The following MTA1 variants were observed in gnomAD, a reference collection of about 807,000 sequenced individuals.
The protein encoded by MTA1 is metastasis associated 1.
Under a neutral mutation model 97.0 loss-of-function variants are expected in MTA1, and 15 were observed. That is an observed-to-expected ratio of 0.15 (90% CI 0.10 to 0.24). The LOEUF is 0.24. MTA1 is among the 10% of genes least tolerant of loss of function. The probability of loss-of-function intolerance (pLI) is 1.00; values close to 1 mark genes in which losing one functional copy is unlikely to be tolerated. For missense variants in MTA1, 709 were observed against 1,015.1 expected (o/e 0.70, Z 4.10); for synonymous variants, 435 against 417.5 (o/e 1.04, Z -0.51).
chr14:105,467,447 C>A, intron 18 of MTA1: 2 of 455,932 alleles, frequency 4.4e-6, no homozygotes, highest in Non-Finnish European at 8.8e-6. Flanking sequence ...GGCTGCCCAG[C>A]CCAGCCAACC....
At position 105,469,461 on chromosome 14, in the gene MTA1, C is replaced by T. The variant is rs1555433768; in HGVS notation, c.1814-6C>T. 6.2e-7 allele frequency: 1 copy of T among 1,612,934 alleles called. No homozygotes were observed. The highest frequency in any genetic ancestry group is 1.1e-5 in the South Asian group (1 of 91,082). On this transcript the variant is annotated splice_polypyrimidine_tract_variant and splice_region_variant and intron_variant, in intron 18 of 20. Coordinates refer to ENST00000331320, the MANE Select transcript of MTA1 (RefSeq NM_004689.4). ...GGCCTCATTTCTCTCCTCCATTTCT[C>T]ATCAGGTCTGGCAAACCACGGACAG...
chr14:105,466,217 C>T (rs587775228), intron 16 of MTA1: 48 of 596,466 alleles, frequency 8.0e-5, no homozygotes, highest in African/African-American at 6.0e-4. Context: ...GGGACTGGCC[C>T]GGGCACACGC....
rs587637613 is a variant in MTA1 at position 105,437,198 on chromosome 14, T to C, written c.29-1474T>C. 4.9e-4 allele frequency among the ~76,000 whole-genome samples: 75 copies of C among 152,372 alleles called. 1 individual carries two copies. Among genetic ancestry groups the C allele is most frequent in the Admixed American group, 1.9e-3 (29 of 15,312 alleles). On this transcript the variant is annotated intron_variant, in intron 1 of 20. Transcript: ENST00000331320. ...GCACATGGGTGCCCAAACAGGTGCG[T>C]CCTCCCAGGTGTGCACCCACAGATG...
chr14:105,459,941 C>T (rs2083286860), intron 8 of MTA1, among the ~76,000 whole-genome samples: 2 of 59,460 alleles, frequency 3.4e-5, no homozygotes, highest in African/African-American at 1.1e-4. Flanking sequence ...GCCTGGGGAG[C>T]TGTGTGCCTG....
intron 7 of MTA1, among the ~76,000 whole-genome samples, chr14:105,457,855 G>T (rs1164612102): frequency 1.3e-5 from 2 of 152,092 alleles, no homozygotes; most frequent in Non-Finnish European, 1.5e-5. Context: ...AACCTGGGAG[G>T]CGGAGGTTGT....
intron 1 of MTA1, among the ~76,000 whole-genome samples, chr14:105,423,090 C>T (rs7492842): frequency 0.88 from 133,835 of 152,216 alleles, 61,416 homozygotes; most frequent in East Asian, 1. Flanking sequence ...GCCTGCCAGC[C>T]GCCTGCAGCT....
At chr14:105,464,609 G>A (rs369314252) in intron 14 of MTA1, 42 bp downstream of exon 14, 56 of 1,610,430 alleles carry the variant, frequency 3.5e-5, no homozygotes, top group South Asian at 6.6e-5. Context: ...TGAGCCTGTC[G>A]GCCACGCGGG....
intron 7 of MTA1, among the ~76,000 whole-genome samples, chr14:105,456,500 G>A (rs1369932237): frequency 6.6e-6 from 1 of 152,024 alleles, no homozygotes; most frequent in Non-Finnish European, 1.5e-5. Context: ...GCCGTTCCTT[G>A]GCTTTTGGGC....
chr14:105,464,342 G>A (rs1401797626), intron 13 of MTA1, 74 bp from the exon 14 acceptor site: 1 of 1,581,504 alleles, frequency 6.3e-7, no homozygotes, highest in Non-Finnish European at 8.6e-7. Context: ...GGCCGGCGTG[G>A]GGGTGGCGGG....
At position 105,468,218 on chromosome 14, in the gene MTA1, C is replaced by T. The variant is rs1434560617; in HGVS notation, c.1814-1249C>T. The stretch of plus-strand genomic sequence containing the variant: ...AGCACGGGGCCCCAGCGCTCTAACC[C>T]GGCCATTTGCCCGTGCAGCCTGTTG... On this transcript the variant is annotated intron_variant, in intron 18 of 20. Coordinates refer to ENST00000331320, the MANE Select transcript of MTA1 (RefSeq NM_004689.4). The T allele has an allele frequency of 1.6e-5, 17 of 1,080,730 alleles. No individual in the cohort carries two copies. In the East Asian group the frequency reaches 7.1e-4, roughly 45 times the overall value. 66.9% of individuals were successfully genotyped at this position (1,080,730 alleles called of 1,614,324 possible).
At chr14:105,449,830 C>G (rs1555428128) in intron 4 of MTA1, among the ~76,000 whole-genome samples, 1 of 152,190 alleles carries the variant, frequency 6.6e-6, no homozygotes, top group South Asian at 2.1e-4. Flanking sequence ...CTTTAGGGTG[C>G]CTGGACTTAA....
rs1436886470 is a variant in MTA1, at chr14:105,451,775, C to CTTT, written c.432+1456_432+1458dup. Among the ~76,000 whole-genome samples, 39 of 118,270 alleles carry CTTT rather than the reference C, an allele frequency of 3.3e-4. 3 individuals are homozygous for CTTT. Among genetic ancestry groups the CTTT allele is most frequent in the Middle Eastern group, 9.5e-3 (2 of 210 alleles). The allele number at this position is 118,270 out of a possible 152,430, so 77.6% of individuals were successfully genotyped here. A position where few individuals can be genotyped will look rare whatever the true frequency, so the allele number is the denominator to read the frequency against. On this transcript the variant is annotated intron_variant, in intron 6 of 20. Transcript: ENST00000331320. ...CAGCCCTTCCCCCCTTTTTCTTTTT[C>CTTT]TTTTTTTGTTTTTTTTTTTTTTTTT...
intron 3 of MTA1, chr14:105,445,803 C>A: frequency 2.0e-6 from 1 of 498,566 alleles, no homozygotes; most frequent in Admixed American, 3.2e-5. Context: ...CATCATTGAT[C>A]GAGGCTTCTT....
intron 6 of MTA1, among the ~76,000 whole-genome samples, chr14:105,452,061 G>T (rs1429792874): frequency 6.6e-6 from 1 of 152,140 alleles, no homozygotes; most frequent in Non-Finnish European, 1.5e-5. Context: ...CGAACTGTTG[G>T]GATTACAGGC....
At chr14:105,427,183 T>G (rs148471518) in intron 1 of MTA1, among the ~76,000 whole-genome samples, 465 of 152,352 alleles carry the variant, frequency 3.1e-3, no homozygotes, top group African/African-American at 0.01. Context: ...AAATTCACAC[T>G]TATGTCACTT....
In MTA1 at chr14:105,450,131, T is replaced by C. The variant is rs1259158536; in HGVS notation, c.315T>C (p.His105=). ...LPEKLKHQLR[H]RELFLSRQLE... is the part of the protein sequence containing the mutation. ...AGAAACTAAAGCACCAGCTGCGGCA[T>C]CGGGAGCTGTTCCTCTCCCGGCAGC... Residue 105 remains histidine (H), a synonymous_variant, in exon 5 of 21, where the codon CAT becomes CAC. Coordinates refer to ENST00000331320, the MANE Select transcript of MTA1 (RefSeq NM_004689.4). 1.9e-6 allele frequency: 3 copies of C among 1,613,044 alleles called. No homozygotes were observed. The African/African-American group carries it at 4.0e-5, about 22-fold the overall frequency.
Position 105,463,540 on chromosome 14 carries a change from T to C in MTA1, c.1065T>C (p.Tyr355=), listed in dbSNP as rs2083442496. 6.2e-7 allele frequency: 1 copy of C among 1,612,938 alleles called. No individual in the cohort carries two copies. Among genetic ancestry groups the C allele is most frequent in the Non-Finnish European group, 8.5e-7 (1 of 1,179,948 alleles). The change falls in exon 12 of 21, where the codon TAT becomes TAC. Residue 355 remains tyrosine (Y), a synonymous_variant. Coordinates refer to ENST00000331320, the MANE Select transcript of MTA1 (RefSeq NM_004689.4). This position sits in a 1 kb window ranked among gnomAD's most constrained non-coding sequence, Gnocchi z 5.9. ...AEAESKLKQV[Y]IPNYNKPNPN... ...CTGAGAGCAAGTTAAAGCAAGTTTA[T>C]ATTCCCAACTAGTAAGTGTGCCCTC...
In MTA1 at chr14:105,463,883, AG is replaced by A. The variant is rs2083457422; in HGVS notation, c.1077-145del. ...TCAGCAGTGGCTCCCAGGAACTGAA[AG>A]GGGAGAAAGGAAGATCCCTGCCGAG... On this transcript the variant is annotated intron_variant, in intron 12 of 20. Coordinates refer to ENST00000331320, the MANE Select transcript of MTA1 (RefSeq NM_004689.4). This position sits in a 1 kb window ranked among gnomAD's most constrained non-coding sequence, Gnocchi z 5.9. 5.2e-6 allele frequency: 4 copies of A among 766,980 alleles called. No homozygotes were observed. The highest frequency in any genetic ancestry group is 3.0e-5 in the South Asian group (2 of 65,810). The allele number at this position is 766,980 out of a possible 1,614,324, so 47.5% of individuals were successfully genotyped here.
chr14:105,442,237 C>T (rs1434597159), intron 2 of MTA1, among the ~76,000 whole-genome samples: 3 of 152,230 alleles, frequency 2.0e-5, no homozygotes, highest in Admixed American at 1.3e-4. Context: ...TCGGCAGCCG[C>T]GTTCAGGTGT....
Sources: allele counts gnomAD v4.1 joint callset (sites outside exome capture counted in the v4.1 genomes callset), GRCh38; gene constraint gnomAD v4.1.1; non-coding constraint Gnocchi (gnomAD v3.1); transcripts MANE v1.5; gene names NCBI Gene and HGNC (gene_info 2026-07-23, HGNC 2026-07-21).